Variants in PRUNE2 observed in about 807,000 individuals in gnomAD.
PRUNE2 encodes protein prune homolog 2.
In PRUNE2, 164 loss-of-function variants were observed where a neutral mutation model predicts 252.0. The observed-to-expected ratio is 0.65, with a 90% CI of 0.57 to 0.74. PRUNE2 has a LOEUF of 0.74. Ranked by LOEUF, PRUNE2 falls within the 30% of genes least tolerant of loss-of-function variation. The probability of loss-of-function intolerance (pLI) is 0.00; values close to 1 mark genes in which losing one functional copy is unlikely to be tolerated. For missense variants in PRUNE2, 3,495 were observed against 3,711.0 expected, an observed-to-expected ratio of 0.94 and a Z score of 1.51; for synonymous variants, 1,292 against 1,350.2, an observed-to-expected ratio of 0.96 and a Z score of 0.94.
intron 6 of PRUNE2, among the ~76,000 whole-genome samples, chr9:76,803,533 T>A (rs368267126): frequency 2.0e-5 from 3 of 152,294 alleles, no homozygotes; most frequent in East Asian, 1.9e-4. Context: ...GGCATTTCAG[T>A]TCACAATAGG....
chr9:76,636,557 C>A lies in PRUNE2; in HGVS notation c.8964G>T (p.Arg2988=), dbSNP rs754158126. 33 of 1,532,610 alleles carry A rather than the reference C, an allele frequency of 2.2e-5. No individual in the cohort carries two copies. Among genetic ancestry groups the A allele is most frequent in the Non-Finnish European group, 2.7e-5 (31 of 1,129,996 alleles). The allele number at this position is 1,532,610 out of a possible 1,614,324, so 94.9% of individuals were successfully genotyped here. A position where few individuals can be genotyped will look rare whatever the true frequency, so the allele number is the denominator to read the frequency against. ...TGAATGATTTCAAATTCTTCCTCAACCTATTTTGAAAAAAGAAAAAAAATA... is the reference window on the plus strand; with the variant it reads ...TGAATGATTTCAAATTCTTCCTCAAACTATTTTGAAAAAAGAAAAAAAATA... ...MKKCYQMIDR[R]LRKNLKSFII... is the part of the protein sequence containing the mutation. Residue 2988 remains arginine, a splice_region_variant and synonymous_variant, in exon 15 of 19, where the codon CGG becomes CGT. Coordinates refer to ENST00000376718, the MANE Select transcript of PRUNE2 (RefSeq NM_015225.3).
intron 6 of PRUNE2, among the ~76,000 whole-genome samples, chr9:76,797,872 G>C (rs1802863105): frequency 6.6e-6 from 1 of 152,118 alleles, no homozygotes; most frequent in East Asian, 1.9e-4. Context: ...AGTAGGAATG[G>C]GTGCTGCCTG....
intron 12 of PRUNE2, among the ~76,000 whole-genome samples, chr9:76,639,914 G>T (rs1177088062): frequency 6.6e-6 from 1 of 152,188 alleles, no homozygotes; most frequent in African/African-American, 2.4e-5. Context: ...GAATTGCCCT[G>T]TCTTTTAAGT....
chr9:76,703,559 G>T lies in PRUNE2; in HGVS notation c.8054C>A (p.Ser2685Tyr). Residue 2685 changes from serine (S) to tyrosine (Y), a missense_variant, in exon 9 of 19, where the codon TCT becomes TAT. Transcript: ENST00000376718. ...ACCAGAGGCTTCCTCTAGTGCCAAA[G>T]ATTCTAGAGGCTTCATTTCTTCCAG... is the stretch of plus-strand genomic sequence containing the variant. Reference protein sequence around the residue: ...QILEEMKPLESLALEEASGPV... With the variant: ...QILEEMKPLEYLALEEASGPV... The T allele has an allele frequency of 6.2e-7, 1 of 1,613,736 alleles. No individual in the cohort carries two copies. The highest frequency in any genetic ancestry group is 2.2e-5 in the East Asian group (1 of 44,870).
At chr9:76,875,662 C>T (rs754071458) in intron 1 of PRUNE2, among the ~76,000 whole-genome samples, 4 of 152,118 alleles carry the variant, frequency 2.6e-5, no homozygotes, top group South Asian at 2.1e-4. Flanking sequence ...CCATGCCCAG[C>T]CGGCTCTGTG....
chr9:76,876,438 T>G (rs1182240991), intron 1 of PRUNE2, among the ~76,000 whole-genome samples: 1 of 152,148 alleles, frequency 6.6e-6, no homozygotes, highest in Non-Finnish European at 1.5e-5. Flanking sequence ...TTTCAGAAAT[T>G]TTCCAAGGCA....
intron 10 of PRUNE2, among the ~76,000 whole-genome samples, chr9:76,654,551 TGAA>T (rs574113771): frequency 3.9e-4 from 59 of 152,240 alleles, no homozygotes; most frequent in Non-Finnish European, 6.8e-4. Flanking sequence ...CTAGTGCAAC[TGAA>T]GAAGAGCATT....
At chr9:76,696,548 C>A (rs1396535240) in intron 9 of PRUNE2, among the ~76,000 whole-genome samples, 1 of 152,174 alleles carries the variant, frequency 6.6e-6, no homozygotes, top group Non-Finnish European at 1.5e-5. Flanking sequence ...GCCTCAGTCT[C>A]CCGAGTAGCT....
At chr9:76,644,479 T>G in intron 12 of PRUNE2, 1 of 407,368 alleles carries the variant, frequency 2.5e-6, no homozygotes, top group Non-Finnish European at 4.2e-6. Context: ...TTTCAATAAA[T>G]TTGCACAAGA....
intron 4 of PRUNE2, among the ~76,000 whole-genome samples, chr9:76,830,195 TAC>T (rs1397386553): frequency 4.6e-5 from 7 of 151,696 alleles, no homozygotes; most frequent in African/African-American, 1.5e-4. Context: ...CGATGAAAAA[TAC>T]AGAGATGAGC....
At chr9:76,902,797 G>C (rs1231927982) in intron 1 of PRUNE2, among the ~76,000 whole-genome samples, 1 of 152,188 alleles carries the variant, frequency 6.6e-6, no homozygotes, top group Non-Finnish European at 1.5e-5. Context: ...TTGAGCCCCA[G>C]GAGGAGGGAT....
At position 76,615,140 on chromosome 9, in the gene PRUNE2, CAGA is replaced by C. The variant is rs753881526; in HGVS notation, c.9237-543_9237-541del. 207 of 985,638 alleles carry C rather than the reference CAGA, an allele frequency of 2.1e-4. No individual in the cohort carries two copies. In the South Asian group the frequency reaches 3.2e-3, roughly 15 times the overall value. The allele number at this position is 985,638 out of a possible 1,614,324, so 61.1% of individuals were successfully genotyped here. ...TATAACTAAAGAAAAGCTTGTTTTT[CAGA>C]AGGTCAAATGGGTTCCCAAGTATCT... On this transcript the variant is annotated intron_variant, in intron 18 of 18. Transcript: ENST00000376718.
chr9:76,765,078 C>T (rs527313392), intron 6 of PRUNE2, among the ~76,000 whole-genome samples: 5 of 152,100 alleles, frequency 3.3e-5, no homozygotes, highest in African/African-American at 7.2e-5. Context: ...TAGAGATATA[C>T]GTTTTGAGTT....
chr9:76,780,559 C>T (rs373646129), intron 6 of PRUNE2, among the ~76,000 whole-genome samples: 3 of 152,048 alleles, frequency 2.0e-5, no homozygotes, highest in Non-Finnish European at 2.9e-5. Flanking sequence ...GGCATGGTGG[C>T]GGGTGCCTGT....
intron 6 of PRUNE2, among the ~76,000 whole-genome samples, chr9:76,756,465 A>G (rs972041096): frequency 4.6e-5 from 7 of 152,186 alleles, no homozygotes; most frequent in African/African-American, 1.7e-4. Flanking sequence ...CATTCTTTCC[A>G]GAGTTGCATG....
At chr9:76,638,097 T>C (rs1840924521) in intron 13 of PRUNE2, 89 bp downstream of exon 13, 5 of 793,192 alleles carry the variant, frequency 6.3e-6, no homozygotes, top group Non-Finnish European at 1.1e-5. Flanking sequence ...ACATTCTACA[T>C]CATCTATTTT....
intron 9 of PRUNE2, among the ~76,000 whole-genome samples, chr9:76,669,272 T>C (rs1444007130): frequency 6.6e-6 from 1 of 151,896 alleles, no homozygotes; most frequent in Non-Finnish European, 1.5e-5. Flanking sequence ...TCACACACAG[T>C]ACAAGGTCAC....
At chr9:76,840,872 T>C (rs912776578) in intron 4 of PRUNE2, among the ~76,000 whole-genome samples, 4 of 152,170 alleles carry the variant, frequency 2.6e-5, no homozygotes, top group African/African-American at 9.6e-5. Flanking sequence ...TCCCAGCTAC[T>C]TGAGAGGCTG....
At position 76,710,966 on chromosome 9, in the gene PRUNE2, G is replaced by T; in HGVS notation, c.1308C>A (p.Ser436Arg). Residue 436 changes from serine (S) to arginine (R), a missense_variant, in exon 8 of 19, where the codon AGC becomes AGA. By Grantham distance (110) the Ser-to-Arg change is moderately radical. Transcript: ENST00000376718. ...AAACAGAGCTCTCCTTGGATGAGCG[G>T]CTGCTCCTAATGGTAGCCAGTCCGC... ...PDSGLATIRS[S>R]RSSKESSVFL... The T allele has an allele frequency of 6.2e-7, 1 of 1,603,156 alleles. No homozygotes were observed. Among genetic ancestry groups the T allele is most frequent in the Non-Finnish European group, 8.5e-7 (1 of 1,174,302 alleles).
Sources: gnomAD v4.1 joint callset for allele counts (sites outside exome capture counted in the v4.1 genomes callset) on GRCh38, gnomAD v4.1.1 for gene constraint, MANE v1.5 for transcripts, NCBI Gene and HGNC (gene_info 2026-07-23, HGNC 2026-07-21) for gene names.